ZNF326: variants seen among roughly 807,000 people sequenced by gnomAD.
ZNF326 encodes the protein DBIRD complex subunit ZNF326.
In ZNF326, 30 loss-of-function variants were observed where a neutral mutation model predicts 63.1. The ratio of observed to expected loss-of-function variants is 0.48; its 90% CI spans 0.36 to 0.64. The LOEUF (loss-of-function observed/expected upper bound fraction) is 0.64, where lower values mean the gene tolerates loss of function less well. Ranked by LOEUF, ZNF326 falls within the 30% of genes least tolerant of loss-of-function variation. The probability of loss-of-function intolerance (pLI) is 0.00; values close to 1 mark genes in which losing one functional copy is unlikely to be tolerated. For synonymous variants in ZNF326, 194 were observed against 228.2 expected (o/e 0.85, Z 1.35); for missense variants, 609 against 720.3 (o/e 0.85, Z 1.77).
Position 90,027,240 on chromosome 1 carries a change from T to C in ZNF326, c.1402-114T>C, listed in dbSNP as rs1020654319. On this transcript the variant is annotated intron_variant, in intron 11 of 11. Coordinates refer to ENST00000340281, the MANE Select transcript of ZNF326 (RefSeq NM_182976.4). Reference sequence around the variant, plus strand: ...TTAATGAATTTGTTATAATTTACAATGAAAAGTTTCAAAATGGCATTTATT... The same window carrying C: ...TTAATGAATTTGTTATAATTTACAACGAAAAGTTTCAAAATGGCATTTATT... The C allele has an allele frequency of 4.2e-6, 4 of 950,974 alleles. No homozygotes were observed. The East Asian group carries it at 9.6e-5, about 23-fold the overall frequency. 58.9% of individuals were successfully genotyped at this position (950,974 alleles called of 1,614,324 possible). A position where few individuals can be genotyped will look rare whatever the true frequency, so the allele number is the denominator to read the frequency against.
rs1393184957 is a variant in ZNF326 at position 90,034,190 on chromosome 1, A to G, written c.*6489A>G. 1 of 152,126 alleles carries G rather than the reference A, an allele frequency of 6.6e-6. No individual in the cohort carries two copies. Among genetic ancestry groups the G allele is most frequent in the Non-Finnish European group, 1.5e-5 (1 of 68,004 alleles). 9.4% of individuals were successfully genotyped at this position (152,126 alleles called of 1,614,324 possible). ...TGCTATTTTTGAAGTTCTGAGGGAGAACTGTTTTGAATTTAGACTTCTATC... is the reference window on the plus strand; with the variant it reads ...TGCTATTTTTGAAGTTCTGAGGGAGGACTGTTTTGAATTTAGACTTCTATC... On this transcript the variant is annotated 3_prime_UTR_variant, in exon 12 of 12. Transcript: ENST00000340281.
At position 90,028,370 on chromosome 1, in the gene ZNF326, TCTC is replaced by T. The variant is rs1650122102; in HGVS notation, c.*670_*672del. The T allele has an allele frequency of 1.3e-5, 2 of 152,086 alleles. No homozygotes were observed. The highest frequency in any genetic ancestry group is 1.9e-4 in the East Asian group (1 of 5,196). 9.4% of individuals were successfully genotyped at this position (152,086 alleles called of 1,614,324 possible). A position where few individuals can be genotyped will look rare whatever the true frequency, so the allele number is the denominator to read the frequency against. ...AGACTTGAATTAAAGAAAAAAAAATTCTCAATCATATTTTTAAAATATAAGACT... is the reference window on the plus strand; with the variant it reads ...AGACTTGAATTAAAGAAAAAAAAATTAATCATATTTTTAAAATATAAGACT... On this transcript the variant is annotated 3_prime_UTR_variant, in exon 12 of 12. Transcript: ENST00000340281.
intron 11 of ZNF326, among the ~76,000 whole-genome samples, chr1:90,026,479 C>A (rs1346918006): frequency 1.3e-5 from 2 of 152,154 alleles, no homozygotes; most frequent in African/African-American, 4.8e-5. Context: ...GCCTATTAGA[C>A]ATCTAGATAT....
chr1:90,011,457 A>T (rs1649228801), intron 6 of ZNF326, among the ~76,000 whole-genome samples: 1 of 152,096 alleles, frequency 6.6e-6, no homozygotes, highest in African/African-American at 2.4e-5. Context: ...AGATTTTTCA[A>T]AGGCCATCCA....
rs778209770 is a variant in ZNF326, at chr1:90,004,991, A to T, written c.62-12A>T. 67 of 1,612,142 alleles carry T rather than the reference A, an allele frequency of 4.2e-5. No individual in the cohort carries two copies. Among genetic ancestry groups the T allele is most frequent in the African/African-American group, 2.5e-4 (19 of 74,714 alleles). Reference sequence around the variant, plus strand: ...GTATTTTACTGACAATTTCTTATTGACTCTCTTTTAGGAATGGATCGTGAT... The same window carrying T: ...GTATTTTACTGACAATTTCTTATTGTCTCTCTTTTAGGAATGGATCGTGAT... On this transcript the variant is annotated splice_polypyrimidine_tract_variant and intron_variant, in intron 2 of 11. Transcript: ENST00000340281.
intron 6 of ZNF326, among the ~76,000 whole-genome samples, chr1:90,011,518 T>G (rs1035464037): frequency 0.03 from 35 of 1,170 alleles, no homozygotes; most frequent in African/African-American, 0.039. Context: ...ATAGTTAAGT[T>G]TTTTTTTTTT....
In ZNF326 at chr1:90,034,450, TTA is replaced by T. The variant is rs1342091188; in HGVS notation, c.*6754_*6755del. 3.3e-5 allele frequency: 5 copies of T among 152,284 alleles called. No homozygotes were observed. Among genetic ancestry groups the T allele is most frequent in the African/African-American group, 9.6e-5 (4 of 41,568 alleles). The allele number at this position is 152,284 out of a possible 1,614,324, so 9.4% of individuals were successfully genotyped here. ...TTCAAAATAGAGGAAACATTTTGAATTATATAGTGCACAAATTTTAATAGCTA... is the reference window on the plus strand; with the variant it reads ...TTCAAAATAGAGGAAACATTTTGAATTATAGTGCACAAATTTTAATAGCTA... On this transcript the variant is annotated 3_prime_UTR_variant, in exon 12 of 12. Transcript: ENST00000340281.
At chr1:90,020,143 T>C (rs1649694641) in intron 9 of ZNF326, among the ~76,000 whole-genome samples, 1 of 152,130 alleles carries the variant, frequency 6.6e-6, no homozygotes, top group Non-Finnish European at 1.5e-5. Context: ...TTTTATTACA[T>C]GATCTCATTA....
intron 2 of ZNF326, among the ~76,000 whole-genome samples, chr1:90,001,801 ACCCGCCTTGGCC>A (rs1360062661): frequency 1.3e-5 from 2 of 151,794 alleles, no homozygotes; most frequent in East Asian, 3.9e-4. Context: ...CAGGTGATCC[ACCCGCCTTGGCC>A]TCCCAAAGGA....
At chr1:90,013,261 T>G (rs751646376) in intron 7 of ZNF326, 24 bp downstream of exon 7, 7 of 1,483,184 alleles carry the variant, frequency 4.7e-6, no homozygotes, top group Non-Finnish European at 6.3e-6. Flanking sequence ...GTCAGAAAAT[T>G]AGGTTCATTA....
intron 1 of ZNF326, among the ~76,000 whole-genome samples, chr1:89,996,325 G>C (rs560405495): frequency 6.6e-6 from 1 of 152,232 alleles, no homozygotes; most frequent in South Asian, 2.1e-4. Context: ...CCAAAAAAAT[G>C]ATCTTTAAAT....
At chr1:90,017,505 T>C (rs368272751) in intron 8 of ZNF326, 41 bp downstream of exon 8, 7 of 1,533,398 alleles carry the variant, frequency 4.6e-6, no homozygotes, top group African/African-American at 2.9e-5. Context: ...TTTATTGATA[T>C]GAATTTCTTA....
intron 2 of ZNF326, among the ~76,000 whole-genome samples, chr1:90,000,221 A>C (rs928416099): frequency 6.6e-6 from 1 of 152,220 alleles, no homozygotes; most frequent in African/African-American, 2.4e-5. Flanking sequence ...AGGTACCAAA[A>C]AGCCAAAAAT....
intron 8 of ZNF326, 138 bp from the exon 9 acceptor site, chr1:90,018,542 CAATTA>C (rs1649608407): frequency 2.3e-6 from 1 of 439,932 alleles, no homozygotes; most frequent in African/African-American, 2.1e-5. Context: ...ATTATCTTTT[CAATTA>C]AATTATAAAC....
In ZNF326 at chr1:90,030,744, C is replaced by A. The variant is rs998985565; in HGVS notation, c.*3043C>A. 1 of 151,550 alleles carries A rather than the reference C, an allele frequency of 6.6e-6. No individual in the cohort carries two copies. Among genetic ancestry groups the A allele is most frequent in the African/African-American group, 2.4e-5 (1 of 41,150 alleles). The allele number at this position is 151,550 out of a possible 1,614,324, so 9.4% of individuals were successfully genotyped here. On this transcript the variant is annotated 3_prime_UTR_variant, in exon 12 of 12. Coordinates refer to ENST00000340281, the MANE Select transcript of ZNF326 (RefSeq NM_182976.4). ...TCAGTGGCACGATCATGGCTTACTG[C>A]AGCTTTGACCTCCTGGGCTCAAGCG...
chr1:90,004,102 CTTTTG>C (rs1278202958), intron 2 of ZNF326, among the ~76,000 whole-genome samples: 1 of 150,852 alleles, frequency 6.6e-6, no homozygotes, highest in East Asian at 1.9e-4. Context: ...TTTGTTACCT[CTTTTG>C]TTTTATTTTT....
Position 90,020,779 on chromosome 1 carries a change from A to G in ZNF326, c.1175-13A>G. On this transcript the variant is annotated splice_polypyrimidine_tract_variant and intron_variant, in intron 9 of 11. Transcript: ENST00000340281. The stretch of plus-strand genomic sequence containing the variant: ...TATGAATTATTTCTTTAATAATTGG[A>G]TGTCTTTTGTAGGTGTTACTGTAGA... The G allele has an allele frequency of 1.9e-6, 3 of 1,591,114 alleles. No homozygotes were observed. The highest frequency in any genetic ancestry group is 1.4e-5 in the African/African-American group (1 of 73,962).
chr1:90,018,653 G>A (rs1468236176), intron 8 of ZNF326, 32 bp from the exon 9 acceptor site: 1 of 1,331,426 alleles, frequency 7.5e-7, no homozygotes, highest in Admixed American at 2.1e-5. Context: ...CTCATTGAAA[G>A]CTATTTAGAT....
intron 1 of ZNF326, among the ~76,000 whole-genome samples, chr1:89,997,652 T>G (rs1003821434): frequency 4.6e-5 from 7 of 152,220 alleles, no homozygotes; most frequent in South Asian, 2.1e-4. Context: ...ATTACAGGCG[T>G]GAGCCACCGT....
Sources: gnomAD v4.1 joint callset for allele counts (sites outside exome capture counted in the v4.1 genomes callset) on GRCh38, gnomAD v4.1.1 for gene constraint, MANE v1.5 for transcripts, NCBI Gene and HGNC (gene_info 2026-07-23, HGNC 2026-07-21) for gene names.